ASIC2: variants seen among roughly 807,000 people sequenced by gnomAD.
The protein encoded by ASIC2 is acid-sensing ion channel 2.
In ASIC2, 25 loss-of-function variants were observed where a neutral mutation model predicts 57.3. The observed-to-expected ratio is 0.44, with a 90% CI of 0.32 to 0.61. ASIC2 has a LOEUF of 0.61. Among genes scored for constraint, ASIC2 ranks in the 20% least tolerant of loss-of-function variants. ASIC2 has a pLI of 0.06. For synonymous variants in ASIC2, 319 were observed against 307.5 expected, an observed-to-expected ratio of 1.04 and a Z score of -0.39; for missense variants, 641 against 738.1, an observed-to-expected ratio of 0.87 and a Z score of 1.52.
At chr17:33,524,840 A>G (rs1254146576) in intron 1 of ASIC2, among the ~76,000 whole-genome samples, 1 of 152,060 alleles carries the variant, frequency 6.6e-6, no homozygotes, top group Non-Finnish European at 1.5e-5. Context: ...CCCAAGTAGT[A>G]GAGACTACAG....
At chr17:34,097,000 A>C (rs2023867) in intron 1 of ASIC2, among the ~76,000 whole-genome samples, 75,459 of 151,716 alleles carry the variant, frequency 0.5, 22,123 homozygotes, top group Non-Finnish European at 0.65. Flanking sequence ...CTCTAAACTC[A>C]TTTTTACTTA....
Position 33,532,858 on chromosome 17 carries a change from C to A in ASIC2, c.556-420791G>T, listed in dbSNP as rs550882357. ...TATTTCTCAGCCTTGGGACTGGTGG[C>A]AATTTGGGGCTAGATAACTCTTTGT... On this transcript the variant is annotated intron_variant, in intron 1 of 9. Transcript: ENST00000359872. Among the ~76,000 whole-genome samples the A allele has an allele frequency of 3.3e-5, 5 of 152,288 alleles. No homozygotes were observed. The East Asian group carries it at 5.8e-4, about 18-fold the overall frequency.
intron 2 of ASIC2, among the ~76,000 whole-genome samples, chr17:33,094,626 G>A (rs1242574719): frequency 6.6e-6 from 1 of 152,162 alleles, no homozygotes; most frequent in East Asian, 1.9e-4. Flanking sequence ...TACCACAAAG[G>A]GAAGGACGGA....
At chr17:33,244,059 C>T (rs187208736) in intron 1 of ASIC2, among the ~76,000 whole-genome samples, 1 of 152,348 alleles carries the variant, frequency 6.6e-6, no homozygotes, top group Admixed American at 6.5e-5. Context: ...AACAAATGCA[C>T]ATCGCTAGGC....
At chr17:33,786,915 T>G (rs1911616420) in intron 1 of ASIC2, among the ~76,000 whole-genome samples, 1 of 152,170 alleles carries the variant, frequency 6.6e-6, no homozygotes, top group African/African-American at 2.4e-5. Context: ...TGGGCTAATT[T>G]TATTCCTCTC....
intron 3 of ASIC2, among the ~76,000 whole-genome samples, chr17:33,051,765 G>A (rs1347254682): frequency 6.6e-6 from 1 of 152,154 alleles, no homozygotes; most frequent in African/African-American, 2.4e-5. Flanking sequence ...CATATAGAAG[G>A]CAGTCAATAT....
chr17:33,646,966 T>C (rs1180408727), intron 1 of ASIC2, among the ~76,000 whole-genome samples: 1 of 151,920 alleles, frequency 6.6e-6, no homozygotes, highest in Non-Finnish European at 1.5e-5. Flanking sequence ...CTTGTGAACA[T>C]ATTTTGAGCT....
At chr17:33,577,877 T>C (rs1916684812) in intron 1 of ASIC2, among the ~76,000 whole-genome samples, 1 of 152,160 alleles carries the variant, frequency 6.6e-6, no homozygotes, top group African/African-American at 2.4e-5. Flanking sequence ...ACCTTTCCAG[T>C]GGCAGCCAGT....
intron 9 of ASIC2, among the ~76,000 whole-genome samples, chr17:33,014,826 A>C (rs543752765): frequency 6.6e-6 from 1 of 152,328 alleles, no homozygotes; most frequent in East Asian, 1.9e-4. Flanking sequence ...AAAGGGAACC[A>C]CTTGCTGAGC....
chr17:34,109,372 T>C (rs1911186772), intron 1 of ASIC2, among the ~76,000 whole-genome samples: 1 of 152,196 alleles, frequency 6.6e-6, no homozygotes, highest in Admixed American at 6.5e-5. Flanking sequence ...TTTATGATTT[T>C]TCATATGTAC....
intron 1 of ASIC2, among the ~76,000 whole-genome samples, chr17:33,954,361 A>G (rs879888854): frequency 5.9e-5 from 9 of 152,148 alleles, no homozygotes; most frequent in African/African-American, 9.7e-5. Flanking sequence ...GCCACACATG[A>G]TCCTGTAGAT....
chr17:33,816,170 A>AGGG (rs35521850), intron 1 of ASIC2, among the ~76,000 whole-genome samples: 7 of 120,090 alleles, frequency 5.8e-5, no homozygotes, highest in Admixed American at 9.1e-5. Flanking sequence ...CACCAACTGA[A>AGGG]GGGGGGGCGG....
intron 1 of ASIC2, among the ~76,000 whole-genome samples, chr17:33,514,013 G>A (rs1264595222): frequency 1.3e-5 from 2 of 152,316 alleles, no homozygotes; most frequent in East Asian, 3.9e-4. Flanking sequence ...CAGACACACT[G>A]CTGGGGGCAT....
chr17:33,662,663 A>G (rs1328300328), intron 1 of ASIC2, among the ~76,000 whole-genome samples: 5 of 115,042 alleles, frequency 4.3e-5, no homozygotes, highest in African/African-American at 1.3e-4. Flanking sequence ...AAATAAATAA[A>G]TAAATAAGTA....
intron 1 of ASIC2, among the ~76,000 whole-genome samples, chr17:33,305,198 A>G (rs1330235833): frequency 2.0e-5 from 3 of 152,184 alleles, no homozygotes. Flanking sequence ...TATTGGTACC[A>G]AGGAAGAATC....
chr17:33,997,286 ACTTT>A (rs1301722857), intron 1 of ASIC2, among the ~76,000 whole-genome samples: 3 of 145,926 alleles, frequency 2.1e-5, no homozygotes, highest in Non-Finnish European at 4.5e-5. Flanking sequence ...GACTACAGGC[ACTTT>A]CCACCATGCA....
At chr17:33,957,198 T>G (rs1309788557) in intron 1 of ASIC2, among the ~76,000 whole-genome samples, 1 of 152,206 alleles carries the variant, frequency 6.6e-6, no homozygotes, top group Non-Finnish European at 1.5e-5. Flanking sequence ...AATTCGACTC[T>G]GACCCAGATG....
chr17:33,451,556 C>T (rs1912249466), intron 1 of ASIC2, among the ~76,000 whole-genome samples: 1 of 152,202 alleles, frequency 6.6e-6, no homozygotes, highest in Non-Finnish European at 1.5e-5. Context: ...CCATCTTCCT[C>T]TTCCCGTGAC....
intron 4 of ASIC2, among the ~76,000 whole-genome samples, chr17:33,027,766 C>A (rs2091865087): frequency 6.6e-6 from 1 of 152,236 alleles, no homozygotes; most frequent in African/African-American, 2.4e-5. Context: ...TGGCCACATG[C>A]ATTGTTAGTC....
Sources: gnomAD v4.1 joint callset for allele counts (sites outside exome capture counted in the v4.1 genomes callset) on GRCh38, gnomAD v4.1.1 for gene constraint, MANE v1.5 for transcripts, NCBI Gene and HGNC (gene_info 2026-07-23, HGNC 2026-07-21) for gene names.